USP12: variants seen among roughly 807,000 people sequenced by gnomAD.
USP12 encodes ubiquitin specific peptidase 12.
A neutral mutation model predicts 45.5 loss-of-function variants in USP12; 19 were observed. The observed-to-expected ratio is 0.42, with a 90% confidence interval of 0.29 to 0.61. USP12 has a LOEUF of 0.61. USP12 is among the 20% of genes least tolerant of loss of function. USP12 has a pLI of 0.22. For synonymous variants in USP12, 149 were observed against 148.8 expected (o/e 1.00, Z -0.01); for missense variants, 242 against 447.7 (o/e 0.54, Z 4.15).
At chr13:27,073,583 G>T (rs1400590079) in intron 7 of USP12, among the ~76,000 whole-genome samples, 7 of 152,152 alleles carry the variant, frequency 4.6e-5, no homozygotes, top group Admixed American at 4.6e-4. Flanking sequence ...TCAGTATATT[G>T]TGAGTAGAGC....
chr13:27,103,607 A>AAAAATAAT (rs372985958), intron 3 of USP12, among the ~76,000 whole-genome samples: 8,476 of 128,398 alleles, frequency 0.066, 379 homozygotes, highest in East Asian at 0.19. Flanking sequence ...TCAAAAAAAA[A>AAAAATAAT]AATAATAATA....
chr13:27,146,392 ACT>A (rs1877309116), intron 1 of USP12, among the ~76,000 whole-genome samples: 1 of 152,028 alleles, frequency 6.6e-6, no homozygotes, highest in African/African-American at 2.4e-5. Context: ...ATAAAGCCAG[ACT>A]CTGTCTCAAA....
intron 6 of USP12, chr13:27,089,618 A>G (rs1332300199): frequency 1.9e-5 from 6 of 308,252 alleles, no homozygotes; most frequent in Non-Finnish European, 3.6e-5. Context: ...GAAAGCCTCA[A>G]AGCCAAATAT....
At chr13:27,097,468 A>C (rs532626361) in intron 3 of USP12, among the ~76,000 whole-genome samples, 24 of 152,342 alleles carry the variant, frequency 1.6e-4, no homozygotes, top group African/African-American at 5.5e-4. Context: ...TCCATCTCAA[A>C]AACAACAACA....
intron 1 of USP12, among the ~76,000 whole-genome samples, chr13:27,128,075 A>T (rs1013644807): frequency 1.3e-5 from 2 of 152,248 alleles, no homozygotes; most frequent in African/African-American, 4.8e-5. Flanking sequence ...TAAATGTGTT[A>T]TAGAGAATAT....
At chr13:27,087,233 T>C (rs1874095256) in intron 6 of USP12, among the ~76,000 whole-genome samples, 1 of 139,388 alleles carries the variant, frequency 7.2e-6, no homozygotes, top group African/African-American at 2.8e-5. Flanking sequence ...ACCAAATAAG[T>C]AAATATAGTG....
At chr13:27,164,787 G>A (rs1878278457) in intron 1 of USP12, among the ~76,000 whole-genome samples, 1 of 152,142 alleles carries the variant, frequency 6.6e-6, no homozygotes, top group African/African-American at 2.4e-5. Flanking sequence ...CACCTTTAAA[G>A]TATGGTGTAG....
rs575711834 is a variant in USP12 at position 27,131,386 on chromosome 13, C to T, written c.49-14790G>A. Among the ~76,000 whole-genome samples, 112 of 152,232 alleles carry T rather than the reference C, an allele frequency of 7.4e-4. 1 individual carries two copies. The highest frequency in any genetic ancestry group is 9.2e-4 in the Admixed American group (14 of 15,284). Reference sequence around the variant, plus strand: ...AGGAAAATACCTACTCTGCCTACCTCGGGGTTACAGAAATCAAATAGTGAA... The same window carrying T: ...AGGAAAATACCTACTCTGCCTACCTTGGGGTTACAGAAATCAAATAGTGAA... On this transcript the variant is annotated intron_variant, in intron 1 of 8. Transcript: ENST00000282344.
chr13:27,069,459 A>T, intron 8 of USP12, 75 bp from the exon 9 acceptor site: 1 of 1,131,612 alleles, frequency 8.8e-7, no homozygotes. Context: ...TAAAAGACTG[A>T]CAATACCAAG....
At chr13:27,069,997 T>A (rs910296226) in intron 8 of USP12, among the ~76,000 whole-genome samples, 4 of 152,008 alleles carry the variant, frequency 2.6e-5, no homozygotes, top group Non-Finnish European at 5.9e-5. Context: ...CCAAGAAAAA[T>A]GAGTGTATAC....
At chr13:27,071,227 A>C in intron 7 of USP12, 78 bp from the exon 8 acceptor site, 1 of 1,213,142 alleles carries the variant, frequency 8.2e-7, no homozygotes, top group Non-Finnish European at 1.1e-6. Flanking sequence ...TGTTTTATAA[A>C]GAAACAGAAA....
Position 27,092,934 on chromosome 13 carries a change from C to T in USP12, c.573+2667G>A, listed in dbSNP as rs1303383701. The stretch of plus-strand genomic sequence containing the variant: ...TCTGCCAGCCAGGCCCGGTGGCTCA[C>T]GCCTGTAATTCCAGCACTTTAGGAG... On this transcript the variant is annotated intron_variant, in intron 4 of 8. Coordinates refer to ENST00000282344, the MANE Select transcript of USP12 (RefSeq NM_182488.4). 2.0e-5 allele frequency among the ~76,000 whole-genome samples: 3 copies of T among 152,262 alleles called. No individual in the cohort carries two copies. The East Asian group carries it at 5.8e-4, about 29-fold the overall frequency.
chr13:27,072,353 C>T (rs951643129), intron 7 of USP12, among the ~76,000 whole-genome samples: 4 of 152,002 alleles, frequency 2.6e-5, no homozygotes, highest in Admixed American at 6.6e-5. Context: ...AAAAGTTAGG[C>T]GGCTTTTTCC....
intron 6 of USP12, among the ~76,000 whole-genome samples, chr13:27,076,343 T>A (rs183686943): frequency 3.3e-5 from 5 of 152,324 alleles, no homozygotes; most frequent in African/African-American, 1.2e-4. Flanking sequence ...CAATCTTTAT[T>A]ATGCCTTTAA....
chr13:27,098,527 G>C (rs1177298097), intron 3 of USP12, among the ~76,000 whole-genome samples: 1 of 152,096 alleles, frequency 6.6e-6, no homozygotes, highest in Non-Finnish European at 1.5e-5. Flanking sequence ...CATCACTTTG[G>C]CAAAATAAAA....
chr13:27,136,970 C>T (rs58703534), intron 1 of USP12, among the ~76,000 whole-genome samples: 1 of 152,056 alleles, frequency 6.6e-6, no homozygotes, highest in Non-Finnish European at 1.5e-5. Context: ...ACTATTTTGT[C>T]TACTTCAATA....
chr13:27,093,984 A>G lies in USP12; in HGVS notation c.573+1617T>C, dbSNP rs1029741631. Among the ~76,000 whole-genome samples, 5 of 152,330 alleles carry G rather than the reference A, an allele frequency of 3.3e-5. No homozygotes were observed. The South Asian group carries it at 8.3e-4, about 25-fold the overall frequency. On this transcript the variant is annotated intron_variant, in intron 4 of 8. Transcript: ENST00000282344. ...ACAATATTCTGGAAAAGGCAAAACT[A>G]TGGAGACTTTACAGGACTCTTAGCT...
chr13:27,115,123 C>T (rs1426191530), intron 2 of USP12, among the ~76,000 whole-genome samples: 1 of 152,138 alleles, frequency 6.6e-6, no homozygotes, highest in East Asian at 1.9e-4. Context: ...AGACCAGAAG[C>T]TTATATTTCT....
intron 1 of USP12, among the ~76,000 whole-genome samples, chr13:27,155,530 T>C (rs1049215222): frequency 6.6e-6 from 1 of 152,196 alleles, no homozygotes; most frequent in African/African-American, 2.4e-5. Context: ...CACTCTAATA[T>C]CCCTAAAATC....
Sources: gnomAD v4.1 joint callset for allele counts (sites outside exome capture counted in the v4.1 genomes callset) on GRCh38, gnomAD v4.1.1 for gene constraint, MANE v1.5 for transcripts, NCBI Gene and HGNC (gene_info 2026-07-23, HGNC 2026-07-21) for gene names.